AHI1: variants seen among roughly 807,000 people sequenced by gnomAD.
AHI1 encodes Abelson helper integration site 1, also known as jouberin.
A neutral mutation model predicts 149.3 loss-of-function variants in AHI1; 123 were observed. The observed-to-expected ratio is 0.82, with a 90% CI of 0.71 to 0.96. The LOEUF is 0.96. Among genes scored for constraint, AHI1 ranks in the 40% least tolerant of loss-of-function variants. The pLI, the probability that AHI1 is intolerant of heterozygous loss-of-function variation, is 0.00. For synonymous variants in AHI1, 475 were observed against 459.8 expected, an observed-to-expected ratio of 1.03 and a Z score of -0.42; for missense variants, 1,439 against 1,422.7, an observed-to-expected ratio of 1.01 and a Z score of -0.18.
At chr6:135,420,606 C>G (rs1201454351) in intron 20 of AHI1, among the ~76,000 whole-genome samples, 1 of 152,092 alleles carries the variant, frequency 6.6e-6, no homozygotes, top group Admixed American at 6.6e-5. Flanking sequence ...ATGAATGAGC[C>G]GCTGCTAGTT....
chr6:135,447,835 C>A (rs1323528176), intron 12 of AHI1, among the ~76,000 whole-genome samples: 1 of 152,172 alleles, frequency 6.6e-6, no homozygotes, highest in Non-Finnish European at 1.5e-5. Flanking sequence ...AGCCCACACA[C>A]CAAATCTGGC....
intron 23 of AHI1, among the ~76,000 whole-genome samples, chr6:135,384,984 G>A (rs538596827): frequency 2.6e-5 from 4 of 152,240 alleles, no homozygotes; most frequent in African/African-American, 9.6e-5. Context: ...AGCTACTTGG[G>A]AGGCTGAGGC....
intron 25 of AHI1, among the ~76,000 whole-genome samples, chr6:135,321,290 A>G (rs1194683874): frequency 6.6e-6 from 1 of 152,198 alleles, no homozygotes; most frequent in Non-Finnish European, 1.5e-5. Context: ...AGAAAAAAAA[A>G]GTTATATGTC....
intron 24 of AHI1, among the ~76,000 whole-genome samples, chr6:135,340,689 A>ATT (rs1790231225): frequency 7.2e-6 from 1 of 138,598 alleles, no homozygotes; most frequent in South Asian, 2.2e-4. Flanking sequence ...ATATATATAT[A>ATT]TATATATGTT....
chr6:135,455,829 GTC>G lies in AHI1; in HGVS notation c.1247_1248del (p.Arg416ThrfsTer11). 6.2e-7 allele frequency: 1 copy of G among 1,600,638 alleles called. No individual in the cohort carries two copies. The highest frequency in any genetic ancestry group is 8.5e-7 in the Non-Finnish European group (1 of 1,172,242). On this transcript the variant is annotated frameshift_variant, in exon 10 of 29. Coordinates refer to ENST00000265602, the MANE Select transcript of AHI1 (RefSeq NM_001134831.2). LOFTEE classifies it high-confidence loss of function. ...QPYDFKQLKS[R>X]LPEWEEQIVF... ...ACAATTTGTTCTTCCCACTCTGGAAGTCTTGATTTTAACTGTTTAAAATCATA... is the reference window on the plus strand; with the variant it reads ...ACAATTTGTTCTTCCCACTCTGGAAGTTGATTTTAACTGTTTAAAATCATA...
intron 22 of AHI1, among the ~76,000 whole-genome samples, chr6:135,401,678 C>CA (rs1780045488): frequency 6.6e-6 from 1 of 152,192 alleles, no homozygotes; most frequent in Admixed American, 6.5e-5. Context: ...ATACCATATA[C>CA]AAAAATTAAT....
intron 15 of AHI1, 126 bp downstream of exon 15, chr6:135,438,249 T>C (rs1785711758): frequency 3.4e-6 from 3 of 890,956 alleles, no homozygotes; most frequent in African/African-American, 3.4e-5. Flanking sequence ...GCATGATGCA[T>C]ATTTATGACA....
intron 24 of AHI1, among the ~76,000 whole-genome samples, chr6:135,352,713 A>ATATG (rs1491386464): frequency 9.6e-6 from 1 of 104,288 alleles, no homozygotes; most frequent in African/African-American, 6.0e-5. Flanking sequence ...ATATATATAT[A>ATATG]CACACACACA....
chr6:135,400,075 G>GT (rs1324887675), intron 22 of AHI1, among the ~76,000 whole-genome samples: 2 of 151,938 alleles, frequency 1.3e-5, no homozygotes, highest in Non-Finnish European at 2.9e-5. Flanking sequence ...GTAGACCTCA[G>GT]TGTCTGTTGT....
intron 24 of AHI1, among the ~76,000 whole-genome samples, chr6:135,339,427 A>G (rs1293836973): frequency 2.0e-5 from 3 of 152,214 alleles, no homozygotes; most frequent in Non-Finnish European, 4.4e-5. Context: ...ACCTAAAGGA[A>G]ACCTTGTCTA....
At chr6:135,424,920 A>G (rs1783721645) in intron 20 of AHI1, among the ~76,000 whole-genome samples, 1 of 151,960 alleles carries the variant, frequency 6.6e-6, no homozygotes, top group South Asian at 2.1e-4. Context: ...TTTATTTTCA[A>G]CCAAAAAATT....
intron 24 of AHI1, among the ~76,000 whole-genome samples, chr6:135,345,924 G>A (rs1791126982): frequency 6.6e-6 from 1 of 152,168 alleles, no homozygotes. Flanking sequence ...ATACACGTAA[G>A]GAGACCATAT....
At position 135,314,932 on chromosome 6, in the gene AHI1, G is replaced by A. The variant is rs566781838; in HGVS notation, c.3426+3587C>T. On this transcript the variant is annotated intron_variant, in intron 26 of 28. Transcript: ENST00000265602. ...ATTGGCTGCACATTAAAATTACCTG[G>A]AAAGCTTTTGAAATCTGCCCTTGCC... Among the ~76,000 whole-genome samples the A allele has an allele frequency of 1.0e-3, 156 of 152,276 alleles. 1 individual carries two copies. The highest frequency in any genetic ancestry group is 3.5e-3 in the African/African-American group (144 of 41,560).
intron 21 of AHI1, among the ~76,000 whole-genome samples, chr6:135,407,828 C>G (rs935451943): frequency 2.0e-5 from 3 of 151,760 alleles, no homozygotes; most frequent in Admixed American, 6.6e-5. Context: ...CTGGCTAACA[C>G]GGTGAAACCC....
intron 23 of AHI1, among the ~76,000 whole-genome samples, chr6:135,375,785 T>C (rs1775824367): frequency 6.6e-6 from 1 of 152,220 alleles, no homozygotes; most frequent in African/African-American, 2.4e-5. Context: ...CCAATAGCAA[T>C]GAGTGTACTT....
chr6:135,448,444 T>C lies in AHI1; in HGVS notation c.1472A>G (p.Asn491Ser). The stretch of plus-strand genomic sequence containing the variant: ...ATATAGCTGCAAGCGAAGTTTTGAG[T>C]TGATGTTTGCATTTCCATTGGCTCC... ...LLGANGNANI[N>S]SKLRLQLYYP... The change falls in exon 12 of 29, where the codon AAC becomes AGC. Residue 491 changes from asparagine (N) to serine (S), a missense_variant. Asn to Ser is a conservative substitution (Grantham distance 46). Transcript: ENST00000265602. 1.3e-6 allele frequency: 2 copies of C among 1,544,352 alleles called. No homozygotes were observed. The highest frequency in any genetic ancestry group is 1.8e-6 in the Non-Finnish European group (2 of 1,132,024).
intron 10 of AHI1, among the ~76,000 whole-genome samples, chr6:135,454,456 T>A (rs1788606763): frequency 6.6e-6 from 1 of 152,196 alleles, no homozygotes; most frequent in South Asian, 2.1e-4. Flanking sequence ...AAATGTAGGT[T>A]ATTTTATCTC....
In AHI1 at chr6:135,481,815, T is replaced by C. The variant is rs558668788; in HGVS notation, c.135+8808A>G. Among the ~76,000 whole-genome samples, 31 of 148,714 alleles carry C rather than the reference T, an allele frequency of 2.1e-4. No homozygotes were observed. The East Asian group carries it at 3.0e-3, about 14-fold the overall frequency. ...GCCTTCATTTTTGCAAGGAGACATA[T>C]CTTGCAAAAATGAAGGCGAAATAAA... On this transcript the variant is annotated intron_variant, in intron 5 of 28. Transcript: ENST00000265602.
intron 15 of AHI1, among the ~76,000 whole-genome samples, chr6:135,436,998 T>G (rs1785506834): frequency 6.6e-6 from 1 of 152,194 alleles, no homozygotes; most frequent in South Asian, 2.1e-4. Flanking sequence ...GGGACTGAGA[T>G]GAAAAGTACA....
Sources: gnomAD v4.1 joint callset for allele counts (sites outside exome capture counted in the v4.1 genomes callset) on GRCh38, gnomAD v4.1.1 for gene constraint, MANE v1.5 for transcripts, NCBI Gene and HGNC (gene_info 2026-07-23, HGNC 2026-07-21) for gene names.